Variants in DNAH11 observed in about 807,000 individuals in gnomAD.
DNAH11 encodes the protein dynein axonemal heavy chain 11, also known as axonemal beta dynein heavy chain 11.
A neutral mutation model predicts 526.0 loss-of-function variants in DNAH11; 442 were observed. The ratio of observed to expected loss-of-function variants is 0.84; its 90% CI spans 0.78 to 0.91. The LOEUF (loss-of-function observed/expected upper bound fraction) is 0.91, where lower values mean the gene tolerates loss of function less well. Ranked by LOEUF, DNAH11 falls within the 40% of genes least tolerant of loss-of-function variation. The pLI, the probability that DNAH11 is intolerant of heterozygous loss-of-function variation, is 0.00. For missense variants in DNAH11, 6,989 were observed against 5,448.7 expected (o/e 1.28, Z -8.90); for synonymous variants, 2,461 against 1,935.9 (o/e 1.27, Z -7.12).
intron 65 of DNAH11, among the ~76,000 whole-genome samples, chr7:21,841,346 C>G (rs1183929530): frequency 6.6e-6 from 1 of 151,970 alleles, no homozygotes. Flanking sequence ...ACATCTTATC[C>G]TTAAAGAACT....
intron 28 of DNAH11, among the ~76,000 whole-genome samples, chr7:21,642,347 G>A (rs1787167340): frequency 6.6e-6 from 1 of 152,172 alleles, no homozygotes; most frequent in African/African-American, 2.4e-5. Flanking sequence ...GTCATCTAGA[G>A]CCATAGTCGG....
chr7:21,866,434 C>T, intron 70 of DNAH11, 36 bp from the exon 71 acceptor site: 1 of 1,571,066 alleles, frequency 6.4e-7, no homozygotes, highest in Non-Finnish European at 8.6e-7. Context: ...AAGTATCGTT[C>T]ACACCATTCC....
chr7:21,706,590 A>C (rs1784271115), intron 39 of DNAH11, among the ~76,000 whole-genome samples: 2 of 152,204 alleles, frequency 1.3e-5, no homozygotes, highest in South Asian at 4.1e-4. Flanking sequence ...GGAAGGATAA[A>C]GTTAAATTCT....
chr7:21,619,825 A>G (rs900893219), intron 24 of DNAH11, 131 bp from the exon 25 acceptor site: 98 of 836,386 alleles, frequency 1.2e-4, no homozygotes, highest in Non-Finnish European at 1.7e-5. Context: ...CTTGGAGGAA[A>G]AAACTCAAGC....
chr7:21,543,077 T>G lies in DNAH11; in HGVS notation c.-169T>G, dbSNP rs1782647173. The G allele has an allele frequency of 1.0e-5, 14 of 1,376,206 alleles. No individual in the cohort carries two copies. The highest frequency in any genetic ancestry group is 1.3e-5 in the Non-Finnish European group (14 of 1,057,718). The allele number at this position is 1,376,206 out of a possible 1,614,324, so 85.2% of individuals were successfully genotyped here. A position where few individuals can be genotyped will look rare whatever the true frequency, so the allele number is the denominator to read the frequency against. On this transcript the variant is annotated 5_prime_UTR_variant, in exon 1 of 82. Transcript: ENST00000409508. ...GCTTCGGCCTGCGAGGCTACAGCTGTGCGCAGTGGCGCGGCTGCTAAGTAG... is the reference window on the plus strand; with the variant it reads ...GCTTCGGCCTGCGAGGCTACAGCTGGGCGCAGTGGCGCGGCTGCTAAGTAG...
At chr7:21,742,304 T>A in intron 49 of DNAH11, 138 bp downstream of exon 49, 7 of 1,078,706 alleles carry the variant, frequency 6.5e-6, no homozygotes, top group Non-Finnish European at 9.1e-6. Context: ...AATTGGCTTA[T>A]GGTTCTGCAG....
rs749517908 is a variant in DNAH11, at chr7:21,617,671, T to A, written c.4148T>A (p.Leu1383Gln). The A allele has an allele frequency of 1.2e-6, 2 of 1,613,888 alleles. No individual in the cohort carries two copies. Among genetic ancestry groups the A allele is most frequent in the Admixed American group, 3.3e-5 (2 of 59,972 alleles). Residue 1383 changes from leucine to glutamine, a missense_variant, in exon 23 of 82, where the codon CTG becomes CAG. Transcript: ENST00000409508. ...EVRVWDAYTG[L>Q]EGTVKDMTAS... ...CGCGTCTGGGATGCTTACACGGGCCTGGAAGGCACAGTTAAGGACATGACA... is the reference window on the plus strand; with the variant it reads ...CGCGTCTGGGATGCTTACACGGGCCAGGAAGGCACAGTTAAGGACATGACA...
At chr7:21,826,984 T>G (rs1790326852) in intron 65 of DNAH11, among the ~76,000 whole-genome samples, 1 of 152,228 alleles carries the variant, frequency 6.6e-6, no homozygotes, top group South Asian at 2.1e-4. Flanking sequence ...TCATTAATAA[T>G]TGGAATGTTG....
At chr7:21,760,324 C>T (rs1404587047) in intron 54 of DNAH11, among the ~76,000 whole-genome samples, 1 of 152,250 alleles carries the variant, frequency 6.6e-6, no homozygotes, top group East Asian at 1.9e-4. Flanking sequence ...GCCTTACAAC[C>T]TGCTCTATAG....
In DNAH11 at chr7:21,897,837, G is replaced by A. The variant is rs142127139; in HGVS notation, c.13050-1499G>A. Among the ~76,000 whole-genome samples the A allele has an allele frequency of 3.0e-3, 451 of 152,130 alleles. 3 individuals carry two copies. Among genetic ancestry groups the A allele is most frequent in the African/African-American group, 0.01 (428 of 41,506 alleles). ...TCACCATGTTGGCCAGGCTGGTCTCGAACACCTGACCTCAAGTGATCCACC... is the reference window on the plus strand; with the variant it reads ...TCACCATGTTGGCCAGGCTGGTCTCAAACACCTGACCTCAAGTGATCCACC... On this transcript the variant is annotated intron_variant, in intron 79 of 81. Coordinates refer to ENST00000409508, the MANE Select transcript of DNAH11 (RefSeq NM_001277115.2).
chr7:21,584,804 A>T (rs996920330), intron 9 of DNAH11, among the ~76,000 whole-genome samples: 7 of 152,104 alleles, frequency 4.6e-5, no homozygotes, highest in Non-Finnish European at 1.0e-4. Context: ...TTAATCCTCT[A>T]CTGTAATCTT....
chr7:21,683,579 G>C (rs184462975), intron 31 of DNAH11, among the ~76,000 whole-genome samples: 1 of 152,224 alleles, frequency 6.6e-6, no homozygotes, highest in African/African-American at 2.4e-5. Flanking sequence ...TTACATAAAA[G>C]CCAGTTTAAA....
intron 46 of DNAH11, among the ~76,000 whole-genome samples, chr7:21,736,547 A>C (rs1785620772): frequency 6.6e-6 from 1 of 152,222 alleles, no homozygotes; most frequent in Non-Finnish European, 1.5e-5. Context: ...ATCTGTTTAC[A>C]TGTGGATATA....
chr7:21,673,900 T>G (rs1583582163), intron 30 of DNAH11, among the ~76,000 whole-genome samples: 1 of 151,598 alleles, frequency 6.6e-6, no homozygotes, highest in Non-Finnish European at 1.5e-5. Context: ...TGTTCCTTTA[T>G]ATTCATGTTT....
intron 30 of DNAH11, among the ~76,000 whole-genome samples, chr7:21,663,162 T>C (rs917278190): frequency 2.0e-5 from 3 of 152,146 alleles, no homozygotes; most frequent in Admixed American, 2.0e-4. Flanking sequence ...ATTTTATTCT[T>C]TTTTATGGTG....
At chr7:21,600,965 T>C (rs749113981) in intron 16 of DNAH11, 35 bp downstream of exon 16, 2 of 1,611,526 alleles carry the variant, frequency 1.2e-6, no homozygotes, top group African/African-American at 2.7e-5. Flanking sequence ...TGTAGTGAAA[T>C]GGCTTTTCAC....
At position 21,866,651 on chromosome 7, in the gene DNAH11, CGTATGCTCTCA is replaced by C; in HGVS notation, c.11680_11690del (p.Tyr3894LysfsTer21). On this transcript the variant is annotated frameshift_variant and splice_region_variant, in exon 71 of 82. Coordinates refer to ENST00000409508, the MANE Select transcript of DNAH11 (RefSeq NM_001277115.2). LOFTEE classifies it high-confidence loss of function. ...AGAGCAATGCGCCCTGACAGAATGA[CGTATGCTCTCA>C]GGTGGGGTGGTCAGCATTTTTGGAA... 1 of 1,611,640 alleles carries C rather than the reference CGTATGCTCTCA, an allele frequency of 6.2e-7. No homozygotes were observed. The highest frequency in any genetic ancestry group is 2.2e-5 in the East Asian group (1 of 44,848).
In DNAH11 at chr7:21,889,880, A is replaced by G. The variant is rs145380757; in HGVS notation, c.12508-2545A>G. On this transcript the variant is annotated intron_variant, in intron 76 of 81. Coordinates refer to ENST00000409508, the MANE Select transcript of DNAH11 (RefSeq NM_001277115.2). ...GTGGGAAAGGAGAAAGTCTAGATTC[A>G]GCATCAGGATTCACAGGGCTCCTTG... Among the ~76,000 whole-genome samples, 35 of 152,348 alleles carry G rather than the reference A, an allele frequency of 2.3e-4. No individual in the cohort carries two copies. In the East Asian group the frequency reaches 6.6e-3, roughly 29 times the overall value.
At chr7:21,762,607 A>G (rs1022581746) in intron 54 of DNAH11, among the ~76,000 whole-genome samples, 9 of 152,352 alleles carry the variant, frequency 5.9e-5, no homozygotes, top group Admixed American at 5.9e-4. Flanking sequence ...AAGTTAGCAC[A>G]TGAAATATTA....
Sources: allele counts gnomAD v4.1 joint callset (sites outside exome capture counted in the v4.1 genomes callset), GRCh38; gene constraint gnomAD v4.1.1; transcripts MANE v1.5; gene names NCBI Gene and HGNC (gene_info 2026-07-23, HGNC 2026-07-21).